BLM: variants seen among roughly 807,000 people sequenced by gnomAD.
BLM encodes the protein BLM RecQ like helicase.
In BLM, 95 loss-of-function variants were observed where a neutral mutation model predicts 135.3. That is an observed-to-expected ratio of 0.70 (90% CI 0.59 to 0.83). The LOEUF is 0.83. Ranked by LOEUF, BLM falls within the 40% of genes least tolerant of loss-of-function variation. The probability of loss-of-function intolerance (pLI) is 0.00; values close to 1 mark genes in which losing one functional copy is unlikely to be tolerated. For synonymous variants in BLM, 520 were observed against 589.2 expected (o/e 0.88, Z 1.70); for missense variants, 1,518 against 1,663.9 (o/e 0.91, Z 1.53).
chr15:90,815,322 A>G lies in BLM; in HGVS notation c.*43A>G. On this transcript the variant is annotated 3_prime_UTR_variant, in exon 22 of 22. Transcript: ENST00000355112. This position sits in a 1 kb window ranked among gnomAD's most constrained non-coding sequence, Gnocchi z 4.6. ...ACATAGACCCTCTTTCTTGTTTGTC[A>G]GCATCTGACCATCTGTGACTATAAA... 1 of 1,590,658 alleles carries G rather than the reference A, an allele frequency of 6.3e-7. No homozygotes were observed. The highest frequency in any genetic ancestry group is 8.6e-7 in the Non-Finnish European group (1 of 1,158,874).
At chr15:90,738,467 C>T (rs532770182) in intron 1 of BLM, among the ~76,000 whole-genome samples, 2 of 151,926 alleles carry the variant, frequency 1.3e-5, no homozygotes, top group Non-Finnish European at 2.9e-5. Flanking sequence ...CCAGCTACTC[C>T]GTAGGCTGAG....
rs986590937 is a variant in BLM at position 90,763,099 on chromosome 15, G to A, written c.2016G>A (p.Gln672=). 6.2e-7 allele frequency: 1 copy of A among 1,614,088 alleles called. No homozygotes were observed. Among genetic ancestry groups the A allele is most frequent in the Admixed American group, 1.7e-5 (1 of 60,018 alleles). Reference sequence around the variant, plus strand: ...GCCTGCATAATTTTAGAACTAATCAGCTAGAGGCGATCAATGCTGCACTGC... The same window carrying A: ...GCCTGCATAATTTTAGAACTAATCAACTAGAGGCGATCAATGCTGCACTGC... The part of the protein sequence containing the change: ...KFGLHNFRTN[Q]LEAINAALLG... Residue 672 remains glutamine, a synonymous_variant, in exon 8 of 22, where the codon CAG becomes CAA. Transcript: ENST00000355112.
chr15:90,788,471 GTTTTTTTTTTTTTT>G (rs35158343), intron 14 of BLM, among the ~76,000 whole-genome samples: 1 of 95,012 alleles, frequency 1.1e-5, no homozygotes, highest in East Asian at 3.3e-4. Flanking sequence ...CCAGTGTTTT[GTTTTTTTTTTTTTT>G]TTTTTTTTTG....
chr15:90,813,823 G>C (rs1205766083), intron 21 of BLM, among the ~76,000 whole-genome samples: 1 of 152,112 alleles, frequency 6.6e-6, no homozygotes, highest in Non-Finnish European at 1.5e-5. Context: ...GAGAGTCCCT[G>C]TGCAGTGAAA....
chr15:90,791,731 C>T (rs1436412710), intron 15 of BLM, among the ~76,000 whole-genome samples: 6 of 152,072 alleles, frequency 3.9e-5, no homozygotes, highest in South Asian at 4.1e-4. Flanking sequence ...CTCCGCCTCC[C>T]GGGTTCAAGC....
At chr15:90,721,056 A>C (rs987035498) in intron 1 of BLM, among the ~76,000 whole-genome samples, 2 of 152,114 alleles carry the variant, frequency 1.3e-5, no homozygotes, top group African/African-American at 4.8e-5. Flanking sequence ...AATCTAAATA[A>C]ATTATTTATT....
intron 1 of BLM, among the ~76,000 whole-genome samples, chr15:90,727,365 T>A (rs902498338): frequency 1.3e-5 from 2 of 152,130 alleles, no homozygotes; most frequent in African/African-American, 4.8e-5. Flanking sequence ...TTATTGTGAA[T>A]TATTGTATGT....
chr15:90,792,848 A>G (rs938975627), intron 15 of BLM, among the ~76,000 whole-genome samples: 6 of 152,108 alleles, frequency 3.9e-5, no homozygotes, highest in Non-Finnish European at 2.9e-5. Flanking sequence ...TCCAAAGTCC[A>G]TGTTCCTTGC....
intron 1 of BLM, among the ~76,000 whole-genome samples, chr15:90,727,263 C>T (rs986531510): frequency 1.3e-5 from 2 of 152,176 alleles, no homozygotes; most frequent in African/African-American, 4.8e-5. Context: ...ATCCTCCCGC[C>T]TCAGCCTCCT....
In BLM at chr15:90,798,204, A is replaced by G. The variant is rs7171673; in HGVS notation, c.3225A>G (p.Arg1075=). Residue 1075 remains arginine, a synonymous_variant, in exon 17 of 22, where the codon AGA becomes AGG. Coordinates refer to ENST00000355112, the MANE Select transcript of BLM (RefSeq NM_000057.4). The stretch of plus-strand genomic sequence containing the variant: ...TTTATTCATAGGATTATAAAACAAG[A>G]GATGTGACTGACGATGTGAAAAGTA... The part of the protein sequence containing the change: ...NCCKTKDYKT[R]DVTDDVKSIV... 3.9e-5 allele frequency: 62 copies of G among 1,606,684 alleles called. No homozygotes were observed. In the African/African-American group the frequency reaches 7.6e-4, roughly 20 times the overall value.
At chr15:90,767,161 AT>A (rs1468444854) in intron 10 of BLM, 138 bp downstream of exon 10, 1 of 581,208 alleles carries the variant, frequency 1.7e-6, no homozygotes, top group Admixed American at 3.3e-5. Flanking sequence ...AAATGGTAAC[AT>A]TTTACTATAA....
chr15:90,812,653 A>G (rs1596274581), intron 21 of BLM, among the ~76,000 whole-genome samples: 1 of 99,832 alleles, frequency 1.0e-5, no homozygotes, highest in Non-Finnish European at 2.2e-5. Context: ...AAAAAAGTCC[A>G]CAGTCAACTT....
intron 13 of BLM, 126 bp downstream of exon 13, chr15:90,783,054 T>A: frequency 1.1e-5 from 8 of 717,336 alleles, no homozygotes; most frequent in Non-Finnish European, 1.7e-5. Flanking sequence ...TTGCTCTTTA[T>A]AGAGCAGACT....
chr15:90,722,271 G>A (rs939381936), intron 1 of BLM, among the ~76,000 whole-genome samples: 10 of 151,730 alleles, frequency 6.6e-5, no homozygotes, highest in African/African-American at 7.3e-5. Flanking sequence ...CACCAGGCCC[G>A]GCTAATTTTT....
At chr15:90,756,270 A>AT (rs1221486518) in intron 5 of BLM, among the ~76,000 whole-genome samples, 1 of 152,028 alleles carries the variant, frequency 6.6e-6, no homozygotes, top group Non-Finnish European at 1.5e-5. Flanking sequence ...TATCTGGCTA[A>AT]TTTTTTGTAT....
chr15:90,722,122 T>G (rs1894784753), intron 1 of BLM, among the ~76,000 whole-genome samples: 1 of 151,792 alleles, frequency 6.6e-6, no homozygotes, highest in Non-Finnish European at 1.5e-5. Context: ...CCATCTCTTT[T>G]TTTTTGAGAC....
intron 12 of BLM, among the ~76,000 whole-genome samples, chr15:90,774,808 A>AC (rs1491239962): frequency 2.1e-5 from 1 of 48,720 alleles, no homozygotes; most frequent in Non-Finnish European, 3.7e-5. Flanking sequence ...CACTCCAGCC[A>AC]AAAAAAAAAA....
chr15:90,718,229 A>G (rs1894660439), intron 1 of BLM, among the ~76,000 whole-genome samples: 1 of 152,248 alleles, frequency 6.6e-6, no homozygotes, highest in South Asian at 2.1e-4. Context: ...CATTTTAGAC[A>G]TGGAGAATCT....
At chr15:90,759,549 G>A (rs1596227848) in intron 5 of BLM, among the ~76,000 whole-genome samples, 1 of 152,182 alleles carries the variant, frequency 6.6e-6, no homozygotes. Context: ...AGCAGTGATT[G>A]CACCACTGCA....
Sources: gnomAD v4.1 joint callset for allele counts (sites outside exome capture counted in the v4.1 genomes callset) on GRCh38, gnomAD v4.1.1 for gene constraint, Gnocchi (gnomAD v3.1) non-coding constraint, MANE v1.5 for transcripts, NCBI Gene and HGNC (gene_info 2026-07-23, HGNC 2026-07-21) for gene names.